CFAP57: variants seen among roughly 807,000 people sequenced by gnomAD.
CFAP57 encodes cilia and flagella associated protein 57.
CFAP57 carries 116 observed loss-of-function variants against 146.8 expected under a neutral mutation model. The observed-to-expected ratio is 0.79, with a 90% confidence interval of 0.68 to 0.92. The LOEUF (loss-of-function observed/expected upper bound fraction) is 0.92, where lower values mean the gene tolerates loss of function less well. CFAP57 is among the 40% of genes least tolerant of loss of function. CFAP57 has a pLI of 0.00. For missense variants in CFAP57, 1,377 were observed against 1,527.2 expected, an observed-to-expected ratio of 0.90 and a Z score of 1.64; for synonymous variants, 518 against 552.8, an observed-to-expected ratio of 0.94 and a Z score of 0.88.
intron 21 of CFAP57, among the ~76,000 whole-genome samples, chr1:43,240,996 G>A (rs902310101): frequency 6.6e-5 from 10 of 152,148 alleles, no homozygotes; most frequent in Admixed American, 2.0e-4. Flanking sequence ...CACCACGCCC[G>A]GCTAACTGTT....
chr1:43,215,105 C>A, intron 11 of CFAP57, 150 bp from the exon 12 acceptor site: 1 of 791,930 alleles, frequency 1.3e-6, no homozygotes, highest in Non-Finnish European at 2.0e-6. Context: ...CCTGTGAGGG[C>A]TCCTCTCTCA....
chr1:43,199,142 TTGTGGTCCCA>T (rs1179797162), intron 8 of CFAP57, among the ~76,000 whole-genome samples: 3 of 152,312 alleles, frequency 2.0e-5, no homozygotes, highest in South Asian at 2.1e-4. Context: ...AAATGATTGC[TTGTGGTCCCA>T]ACGGCTTAAT....
chr1:43,175,211 C>G (rs1645121749), intron 2 of CFAP57, among the ~76,000 whole-genome samples: 1 of 151,934 alleles, frequency 6.6e-6, no homozygotes, highest in Non-Finnish European at 1.5e-5. Context: ...TCTTCTCTGT[C>G]TATGGTGTGT....
At chr1:43,177,317 G>T (rs12094101) in intron 2 of CFAP57, 87,514 of 409,990 alleles carry the variant, frequency 0.21, 10,580 homozygotes, top group Middle Eastern at 0.27. Context: ...CACCATGTGG[G>T]GTGGAAGCAG....
chr1:43,232,147 TG>T, intron 18 of CFAP57: 1 of 695,572 alleles, frequency 1.4e-6, no homozygotes, highest in South Asian at 1.5e-5. Context: ...GGTGCTTCTC[TG>T]GGGAACCCTG....
At chr1:43,176,162 G>C (rs1645163865) in intron 2 of CFAP57, among the ~76,000 whole-genome samples, 1 of 152,110 alleles carries the variant, frequency 6.6e-6, no homozygotes, top group Admixed American at 6.5e-5. Flanking sequence ...GTTGAGTAGA[G>C]ACAGCCTGGG....
chr1:43,236,959 T>C (rs1386681146), intron 21 of CFAP57, among the ~76,000 whole-genome samples: 1 of 150,972 alleles, frequency 6.6e-6, no homozygotes, highest in Admixed American at 6.6e-5. Context: ...GCAAAGGACC[T>C]ATCCAAGAAC....
At chr1:43,174,020 A>C (rs538251030) in intron 2 of CFAP57, among the ~76,000 whole-genome samples, 1 of 152,306 alleles carries the variant, frequency 6.6e-6, no homozygotes, top group African/African-American at 2.4e-5. Flanking sequence ...GATGATGAGT[A>C]TCTGTTTATG....
intron 2 of CFAP57, 53 bp downstream of exon 2, chr1:43,172,963 C>G (rs972478185): frequency 8.4e-5 from 125 of 1,481,482 alleles, no homozygotes; most frequent in Non-Finnish European, 1.1e-4. Flanking sequence ...CCACATATAA[C>G]CCCATAATCC....
At position 43,210,326 on chromosome 1, in the gene CFAP57, G is replaced by A. The variant is rs1644548537; in HGVS notation, c.1929+410G>A. 2.1e-5 allele frequency: 29 copies of A among 1,401,524 alleles called. No individual in the cohort carries two copies. The South Asian group carries it at 4.4e-4, about 21-fold the overall frequency. 86.8% of individuals were successfully genotyped at this position (1,401,524 alleles called of 1,614,324 possible). On this transcript the variant is annotated intron_variant, in intron 11 of 22. Transcript: ENST00000372492. ...CCTGAGGGTACAAAAGGCCACCCCA[G>A]GGGCAATACCATGAGTACACATTTG...
intron 5 of CFAP57, 149 bp downstream of exon 5, chr1:43,185,505 C>G: frequency 2.6e-6 from 2 of 767,292 alleles, no homozygotes; most frequent in Non-Finnish European, 4.5e-6. Flanking sequence ...GATGTCTGTC[C>G]TGAGAGAGAT....
chr1:43,206,672 TGTAA>T lies in CFAP57; in HGVS notation c.1543-45_1543-42del, dbSNP rs770822368. ...GTTTGCACCCTTTTCTGTGTTAGGG[TGTAA>T]GTGTGTGTACACTCTTCACTGGATA... On this transcript the variant is annotated intron_variant, in intron 9 of 22. Transcript: ENST00000372492. The T allele has an allele frequency of 5.0e-6, 8 of 1,594,378 alleles. No homozygotes were observed. In the South Asian group the frequency reaches 6.6e-5, roughly 13 times the overall value.
At chr1:43,243,488 C>T (rs776738425) in intron 22 of CFAP57, 129 bp downstream of exon 22, 22 of 991,004 alleles carry the variant, frequency 2.2e-5, no homozygotes, top group Admixed American at 6.9e-5. Context: ...GGATCCTGTC[C>T]GGGGCACACA....
In CFAP57 at chr1:43,234,419, C is replaced by T; in HGVS notation, c.3261+6C>T. ...ACGTGCAGCGAGCAGACATGGTAAGCTCAGCCTCCCCTCCTGCCATGCACT... is the reference window on the plus strand; with the variant it reads ...ACGTGCAGCGAGCAGACATGGTAAGTTCAGCCTCCCCTCCTGCCATGCACT... On this transcript the variant is annotated splice_donor_region_variant and intron_variant, in intron 20 of 22. Coordinates refer to ENST00000372492, the MANE Select transcript of CFAP57 (RefSeq NM_001378189.1). 2 of 1,546,252 alleles carry T rather than the reference C, an allele frequency of 1.3e-6. No homozygotes were observed. The highest frequency in any genetic ancestry group is 1.4e-5 in the African/African-American group (1 of 73,028).
chr1:43,180,948 CA>C (rs1366519417), intron 2 of CFAP57, among the ~76,000 whole-genome samples: 1 of 152,166 alleles, frequency 6.6e-6, no homozygotes, highest in Non-Finnish European at 1.5e-5. Flanking sequence ...CCCTTTGTCA[CA>C]TCCACCCCGT....
rs535968703 is a variant in CFAP57, at chr1:43,221,934, G to C, written c.2342-171G>C. ...AGGGAGTTTGGCTACCTGATGAGAT[G>C]ATGGGATGAGGGGTTGGCAGCAAGG... On this transcript the variant is annotated intron_variant, in intron 14 of 22. Coordinates refer to ENST00000372492, the MANE Select transcript of CFAP57 (RefSeq NM_001378189.1). Among the ~76,000 whole-genome samples the C allele has an allele frequency of 5.6e-4, 86 of 152,294 alleles. 2 individuals are homozygous for C. The South Asian group carries it at 0.017, about 30-fold the overall frequency.
Position 43,198,643 on chromosome 1 carries a change from A to G in CFAP57, c.1425A>G (p.Gly475=). Residue 475 remains glycine (G), a synonymous_variant, in exon 8 of 23, where the codon GGA becomes GGG. Transcript: ENST00000372492. ...AAGAATACTCTGTTAGAGGATGCGG[A>G]GAGGTAAAAAAAAAACTGCTGAAGA... ...SFKEYSVRGC[G]ECSFSNGGHL... 1 of 1,602,124 alleles carries G rather than the reference A, an allele frequency of 6.2e-7. No homozygotes were observed.
intron 2 of CFAP57, among the ~76,000 whole-genome samples, chr1:43,178,545 T>C (rs894394642): frequency 3.3e-5 from 5 of 152,312 alleles, no homozygotes; most frequent in Admixed American, 1.3e-4. Flanking sequence ...TGCTCATCAT[T>C]ACTGGCCATC....
chr1:43,184,807 C>G (rs1214542677), intron 4 of CFAP57: 1 of 223,444 alleles, frequency 4.5e-6, no homozygotes, highest in Non-Finnish European at 8.5e-6. Context: ...TCTCTATAAC[C>G]TTCTCCAGGA....
Sources: allele counts gnomAD v4.1 joint callset (sites outside exome capture counted in the v4.1 genomes callset), GRCh38; gene constraint gnomAD v4.1.1; transcripts MANE v1.5; gene names NCBI Gene and HGNC (gene_info 2026-07-23, HGNC 2026-07-21).